Variants in KCNQ1OT1 observed in about 807,000 individuals in gnomAD.
The protein encoded by KCNQ1OT1 is KCNQ1 antisense RNA 2 (non-protein coding).
At chr11:2,640,125 A>C (rs1171174870) in exon 1 of KCNQ1OT1, 2 of 323,718 alleles carry the variant, frequency 6.2e-6, no homozygotes, top group Non-Finnish European at 1.1e-5. Context: ...GTTGGCTAGG[A>C]AAGGGAATTC....
exon 1 of KCNQ1OT1, chr11:2,629,194 T>A: frequency 2.5e-6 from 1 of 398,382 alleles, no homozygotes; most frequent in Non-Finnish European, 4.4e-6. Context: ...GTATAGCTAT[T>A]TCGGCAATAT....
exon 1 of KCNQ1OT1, chr11:2,648,976 TTTTTC>T (rs1849710533): frequency 8.2e-6 from 3 of 367,100 alleles, no homozygotes; most frequent in Admixed American, 1.2e-4. Context: ...CTCTTTTTTC[TTTTTC>T]TTTTTTTTTT....
rs1459825 is a variant in KCNQ1OT1, at chr11:2,668,316, T to C, written n.31679A>G. On this transcript the variant is annotated non_coding_transcript_exon_variant, in exon 1 of 1. Coordinates refer to ENST00000597346, the Ensembl canonical transcript of KCNQ1OT1. This position sits in a 1 kb window ranked among gnomAD's most constrained non-coding sequence, Gnocchi z 4.3. ...CATCAGGTTGCGTTTCTGGGGAATA[T>C]ATGCCTATGTGTGGAGCTGCAGGGT... The C allele has an allele frequency of 0.25, 98,044 of 398,420 alleles. 13,894 individuals are homozygous for C. Among genetic ancestry groups the C allele is most frequent in the African/African-American group, 0.45 (22,002 of 48,612 alleles). 24.7% of individuals were successfully genotyped at this position (398,420 alleles called of 1,614,324 possible).
chr11:2,616,714 A>G (rs1348000625), exon 1 of KCNQ1OT1: 2 of 398,084 alleles, frequency 5.0e-6, no homozygotes, highest in Non-Finnish European at 4.4e-6. Flanking sequence ...CTTCTGTTAC[A>G]GATTTCTGGC....
chr11:2,699,527 G>A (rs1471127341), exon 1 of KCNQ1OT1: 7 of 335,630 alleles, frequency 2.1e-5, no homozygotes, highest in Admixed American at 1.1e-4. Flanking sequence ...AGAGTGCCGC[G>A]CTGAGGAGGC....
exon 1 of KCNQ1OT1, chr11:2,688,116 G>T (rs1850523105): frequency 5.0e-6 from 2 of 398,932 alleles, no homozygotes; most frequent in Non-Finnish European, 4.4e-6. Flanking sequence ...CCTGGTGGGG[G>T]TGGGGATACA....
chr11:2,635,776 T>C (rs1849454836), exon 1 of KCNQ1OT1: 1 of 152,170 alleles, frequency 6.6e-6, no homozygotes, highest in African/African-American at 2.4e-5. Context: ...CCTTGGGCAG[T>C]ATGGCCATTT....
In KCNQ1OT1 at chr11:2,613,537, CATA is replaced by C. The variant is rs1177742310; in HGVS notation, n.86455_86457del. On this transcript the variant is annotated non_coding_transcript_exon_variant, in exon 1 of 1. Coordinates refer to ENST00000597346, the Ensembl canonical transcript of KCNQ1OT1. The surrounding 1 kb of genome is among the most constrained non-coding windows in gnomAD (Gnocchi z 4.8). ...GGGAGATGGCAGCCCCACGTTAAAT[CATA>C]ACCCTGCTATTCTTAGGAAGGCTTA... 1.1e-4 allele frequency: 44 copies of C among 398,552 alleles called. No individual in the cohort carries two copies. Among genetic ancestry groups the C allele is most frequent in the Non-Finnish European group, 1.6e-4 (37 of 226,046 alleles). 24.7% of individuals were successfully genotyped at this position (398,552 alleles called of 1,614,324 possible). A position where few individuals can be genotyped will look rare whatever the true frequency, so the allele number is the denominator to read the frequency against.
exon 1 of KCNQ1OT1, chr11:2,632,205 A>AT: frequency 2.6e-6 from 1 of 388,544 alleles, no homozygotes. Context: ...AAAAAAAAAG[A>AT]AATGCAACTG....
chr11:2,655,112 T>C (rs936992896), exon 1 of KCNQ1OT1: 1 of 398,616 alleles, frequency 2.5e-6, no homozygotes, highest in Non-Finnish European at 4.4e-6. Flanking sequence ...CAAATCCCCC[T>C]ATCGAGCAGG....
chr11:2,679,943 GA>G lies in KCNQ1OT1; in HGVS notation n.20051del. On this transcript the variant is annotated non_coding_transcript_exon_variant, in exon 1 of 1. Coordinates refer to ENST00000597346, the Ensembl canonical transcript of KCNQ1OT1. This position sits in a 1 kb window ranked among gnomAD's most constrained non-coding sequence, Gnocchi z 4.8. The stretch of plus-strand genomic sequence containing the variant: ...GAGTCTCACTTTGTCACCTAGGCGG[GA>G]ATGCAGTGGCACAGTCTCGGCTTAC... 2 of 397,290 alleles carry G rather than the reference GA, an allele frequency of 5.0e-6. No homozygotes were observed. Among genetic ancestry groups the G allele is most frequent in the East Asian group, 7.1e-5 (2 of 28,062 alleles). The allele number at this position is 397,290 out of a possible 1,614,324, so 24.6% of individuals were successfully genotyped here. A position where few individuals can be genotyped will look rare whatever the true frequency, so the allele number is the denominator to read the frequency against.
chr11:2,656,769 T>A (rs983261606), exon 1 of KCNQ1OT1: 1 of 398,446 alleles, frequency 2.5e-6, no homozygotes, highest in African/African-American at 2.1e-5. Flanking sequence ...TTGCTTCTTT[T>A]AAAAAAAACC....
At chr11:2,625,309 G>C (rs1000756243) in exon 1 of KCNQ1OT1, 2 of 398,470 alleles carry the variant, frequency 5.0e-6, no homozygotes, top group Admixed American at 8.8e-5. Flanking sequence ...GGAATGCAGT[G>C]GCATGATCAT....
exon 1 of KCNQ1OT1, chr11:2,614,598 A>C (rs1001921143): frequency 2.8e-5 from 11 of 398,350 alleles, no homozygotes; most frequent in African/African-American, 2.3e-4. Flanking sequence ...TTGATATATG[A>C]GGATCCAGTT....
chr11:2,671,598 C>T lies in KCNQ1OT1; in HGVS notation n.28397G>A. The T allele has an allele frequency of 2.5e-6, 1 of 398,658 alleles. No homozygotes were observed. Among genetic ancestry groups the T allele is most frequent in the Non-Finnish European group, 4.4e-6 (1 of 226,074 alleles). The allele number at this position is 398,658 out of a possible 1,614,324, so 24.7% of individuals were successfully genotyped here. A position where few individuals can be genotyped will look rare whatever the true frequency, so the allele number is the denominator to read the frequency against. On this transcript the variant is annotated non_coding_transcript_exon_variant, in exon 1 of 1. Coordinates refer to ENST00000597346, the Ensembl canonical transcript of KCNQ1OT1. The surrounding 1 kb of genome is among the most constrained non-coding windows in gnomAD (Gnocchi z 4.7). ...AGCATTTATACAAGATCAGACTGCA[C>T]TGCACCCTAAGTATAAACCTTGCCA...
chr11:2,628,210 A>G (rs1849291373), exon 1 of KCNQ1OT1: 4 of 398,626 alleles, frequency 1.0e-5, no homozygotes, highest in South Asian at 1.3e-4. Context: ...AAGAAAATCT[A>G]TCGTGTTTTC....
chr11:2,692,867 G>C (rs1185558990), exon 1 of KCNQ1OT1: 2 of 398,544 alleles, frequency 5.0e-6, no homozygotes, highest in Non-Finnish European at 8.8e-6. Context: ...GCCTGGGAAG[G>C]CACTGTGCTG....
chr11:2,686,827 T>G, exon 1 of KCNQ1OT1: 1 of 398,690 alleles, frequency 2.5e-6, no homozygotes, highest in Non-Finnish European at 4.4e-6. Context: ...GCAGCACAAG[T>G]AACTCAGAGC....
rs895136846 is a variant in KCNQ1OT1, at chr11:2,657,031, A to C, written n.42964T>G. 3 of 398,472 alleles carry C rather than the reference A, an allele frequency of 7.5e-6. No homozygotes were observed. The highest frequency in any genetic ancestry group is 1.3e-5 in the Non-Finnish European group (3 of 226,074). The allele number at this position is 398,472 out of a possible 1,614,324, so 24.7% of individuals were successfully genotyped here. ...CACCTCTGATACACAGCAAGCTTCC[A>C]TATTTGTGTGGGCTGTTTCCCAATG... On this transcript the variant is annotated non_coding_transcript_exon_variant, in exon 1 of 1. Coordinates refer to ENST00000597346, the Ensembl canonical transcript of KCNQ1OT1. This position sits in a 1 kb window ranked among gnomAD's most constrained non-coding sequence, Gnocchi z 4.8.
Sources: allele counts gnomAD v4.1 joint callset, GRCh38; gene constraint gnomAD v4.1.1; non-coding constraint Gnocchi (gnomAD v3.1); transcripts MANE v1.5; gene names NCBI Gene and HGNC (gene_info 2026-07-23, HGNC 2026-07-21).